Variants in SLC25A41 observed in about 807,000 individuals in gnomAD.
The protein encoded by SLC25A41 is solute carrier family 25 member 41.
Under a neutral mutation model 34.7 loss-of-function variants are expected in SLC25A41, and 35 were observed. The observed-to-expected ratio is 1.01, with a 90% CI of 0.77 to 1.34. SLC25A41 has a LOEUF of 1.34. Among genes scored for constraint, SLC25A41 ranks in the 40% most tolerant of loss-of-function variants. The probability of loss-of-function intolerance (pLI) is 0.00; values close to 1 mark genes in which losing one functional copy is unlikely to be tolerated. For missense variants in SLC25A41, 492 were observed against 489.8 expected (o/e 1.00, Z -0.04); for synonymous variants, 190 against 209.9 (o/e 0.91, Z 0.82).
At chr19:6,435,519 G>C (rs1484942389), upstream of SLC25A41, among the ~76,000 whole-genome samples, 1 of 150,284 alleles carries the variant, frequency 6.7e-6, no homozygotes, top group African/African-American at 2.5e-5. Flanking sequence ...TCAGGAGTTT[G>C]AGACCAGCCT....
rs569827160 is a variant in SLC25A41, at chr19:6,433,519, C to T, written c.175G>A (p.Asp59Asn). Residue 59 changes from aspartate to asparagine, a missense_variant, in exon 1 of 7, where the codon GAC becomes AAC. Asp to Asn is a conservative substitution (Grantham distance 23). Coordinates refer to ENST00000321510, the MANE Select transcript of SLC25A41 (RefSeq NM_173637.4). ...GACGGGAGATGTTCAAGGTTGTTGT[C>T]ATGCATGTGGCCAAACGCGTACCCA... ...VYGYAFGHMH[D>N]NNLEHLPSQQ... 16 of 1,612,776 alleles carry T rather than the reference C, an allele frequency of 9.9e-6. No homozygotes were observed. The Admixed American group carries it at 1.7e-4, about 17-fold the overall frequency.
intron 2 of SLC25A41, chr19:6,430,555 T>C (rs1364872956): frequency 2.6e-6 from 1 of 379,162 alleles, no homozygotes; most frequent in Non-Finnish European, 5.1e-6. Flanking sequence ...TCGGGGGATC[T>C]CGGCTCACTG....
At chr19:6,429,853 TGA>T (rs1262084915) in intron 3 of SLC25A41, 22 bp from the exon 4 acceptor site, 16 of 1,605,302 alleles carry the variant, frequency 1.0e-5, no homozygotes, top group Non-Finnish European at 1.3e-5. Flanking sequence ...GAGAGGAGGG[TGA>T]GAGAGAAGTC....
At chr19:6,426,934 G>A (rs1032974755) in intron 6 of SLC25A41, among the ~76,000 whole-genome samples, 169 bp downstream of exon 6, 2 of 152,118 alleles carry the variant, frequency 1.3e-5, no homozygotes, top group African/African-American at 4.8e-5. Flanking sequence ...TACCATGCCT[G>A]GCTAATTTTT....
chr19:6,427,254 C>G lies in SLC25A41; in HGVS notation c.793-4G>C, dbSNP rs775504698. The G allele has an allele frequency of 1.9e-6, 3 of 1,612,356 alleles. No homozygotes were observed. Among genetic ancestry groups the G allele is most frequent in the Non-Finnish European group, 2.5e-6 (3 of 1,179,556 alleles). On this transcript the variant is annotated splice_region_variant and splice_polypyrimidine_tract_variant and intron_variant, in intron 5 of 6. Transcript: ENST00000321510. This position sits in a 1 kb window ranked among gnomAD's most constrained non-coding sequence, Gnocchi z 4.9. The stretch of plus-strand genomic sequence containing the variant: ...TCACCCAGAAGCACTGGAGCATCTG[C>G]AAGAGAAGGGGGCCAGGAGAAAGCT...
Position 6,430,041 on chromosome 19 carries a change from C to G in SLC25A41, c.484G>C (p.Glu162Gln). 6.2e-7 allele frequency: 1 copy of G among 1,612,468 alleles called. No homozygotes were observed. Among genetic ancestry groups the G allele is most frequent in the East Asian group, 2.2e-5 (1 of 44,844 alleles). ...NGINVLKIAP[E>Q]YAIKFSVFEQ... ...AATACGGAGAACTTGATGGCATACT[C>G]AGGAGCAATCTTGAGCACGTTGATG... The change falls in exon 3 of 7, where the codon GAG (glutamate) becomes CAG (glutamine). Residue 162 changes from glutamate to glutamine, a missense_variant. Glu to Gln is a conservative substitution (Grantham distance 29, BLOSUM62 2). Transcript: ENST00000321510.
chr19:6,430,573 C>T lies in SLC25A41; in HGVS notation c.364-412G>A, dbSNP rs529944249. On this transcript the variant is annotated intron_variant, in intron 2 of 6. Transcript: ENST00000321510. Reference sequence around the variant, plus strand: ...GGGGATCTCGGCTCACTGCAACCTCCGCCTCCCAGGTTCAGGCGATTCTCC... The same window carrying T: ...GGGGATCTCGGCTCACTGCAACCTCTGCCTCCCAGGTTCAGGCGATTCTCC... 4.9e-5 allele frequency: 18 copies of T among 366,520 alleles called. No homozygotes were observed. In the East Asian group the frequency reaches 1.2e-3, roughly 24 times the overall value. The allele number at this position is 366,520 out of a possible 1,614,324, so 22.7% of individuals were successfully genotyped here.
At chr19:6,433,414 G>A (rs1326135755) in intron 1 of SLC25A41, 73 bp downstream of exon 1, 5 of 1,461,656 alleles carry the variant, frequency 3.4e-6, no homozygotes, top group Non-Finnish European at 4.8e-6. Context: ...GGCCTGTAGA[G>A]GGCGTGGGTA....
At chr19:6,431,128 T>TTTAA (rs886183094) in intron 2 of SLC25A41, among the ~76,000 whole-genome samples, 39 of 152,038 alleles carry the variant, frequency 2.6e-4, no homozygotes, top group African/African-American at 6.3e-4. Flanking sequence ...TTTTTAAATT[T>TTTAA]TTAATTAATT....
chr19:6,430,289 A>G (rs1483113808), intron 2 of SLC25A41, 128 bp from the exon 3 acceptor site: 1 of 1,042,294 alleles, frequency 9.6e-7, no homozygotes, highest in Non-Finnish European at 1.3e-6. Context: ...TCCCATCCCC[A>G]TTCCTTCTTC....
In SLC25A41 at chr19:6,430,072, G is replaced by A. The variant is rs1288044398; in HGVS notation, c.453C>T (p.Gly151=). 3 of 1,611,326 alleles carry A rather than the reference G, an allele frequency of 1.9e-6. No individual in the cohort carries two copies. Among genetic ancestry groups the A allele is most frequent in the Admixed American group, 1.7e-5 (1 of 59,520 alleles). ...QEGGFRSLWR[G]NGINVLKIAP... ...CAATCTTGAGCACGTTGATGCCGTTGCCCCGCCACAGGGAGCGGAAGCCGC... is the reference window on the plus strand; with the variant it reads ...CAATCTTGAGCACGTTGATGCCGTTACCCCGCCACAGGGAGCGGAAGCCGC... Residue 151 remains glycine (G), a synonymous_variant, in exon 3 of 7, where the codon GGC becomes GGT. Transcript: ENST00000321510.
In SLC25A41 at chr19:6,426,379, A is replaced by G; in HGVS notation, c.*10T>C. On this transcript the variant is annotated 3_prime_UTR_variant, in exon 7 of 7. Coordinates refer to ENST00000321510, the MANE Select transcript of SLC25A41 (RefSeq NM_173637.4). ...CATTTCTGCCTAGGCTGTGTCGTCC[A>G]GCTCACAGCCTATATGCCCAGGGTT... 6.2e-7 allele frequency: 1 copy of G among 1,610,032 alleles called. No individual in the cohort carries two copies. The highest frequency in any genetic ancestry group is 8.5e-7 in the Non-Finnish European group (1 of 1,176,932).
At position 6,432,219 on chromosome 19, in the gene SLC25A41, C is replaced by T. The variant is rs375604360; in HGVS notation, c.208-15G>A. ...GTGTCCAGTACCTGCAGGGCAGACC[C>T]GGCCCTCCCTCATCCTCAGCCAGGT... is the stretch of plus-strand genomic sequence containing the variant. On this transcript the variant is annotated splice_polypyrimidine_tract_variant and intron_variant, in intron 1 of 6. Coordinates refer to ENST00000321510, the MANE Select transcript of SLC25A41 (RefSeq NM_173637.4). 1,978 of 1,609,334 alleles carry T rather than the reference C, an allele frequency of 1.2e-3. 13 individuals are homozygous for T. Among genetic ancestry groups the T allele is most frequent in the Non-Finnish European group, 4.3e-4 (506 of 1,177,562 alleles).
rs1242246232 is a variant in SLC25A41 at position 6,426,574 on chromosome 19, A to G, written c.941-13T>C. ...CCCTCCACGGTATCTGCAGGGACAC[A>G]GGCAAGATCAGGACTAGGCCAGAGA... On this transcript the variant is annotated splice_polypyrimidine_tract_variant and intron_variant, in intron 6 of 6. Transcript: ENST00000321510. 1 of 1,610,378 alleles carries G rather than the reference A, an allele frequency of 6.2e-7. No individual in the cohort carries two copies. The highest frequency in any genetic ancestry group is 8.5e-7 in the Non-Finnish European group (1 of 1,178,344).
upstream of SLC25A41, among the ~76,000 whole-genome samples, chr19:6,435,915 G>A (rs944414165): frequency 3.9e-5 from 6 of 152,198 alleles, no homozygotes; most frequent in Admixed American, 6.6e-5. Flanking sequence ...CAGCTACTCC[G>A]GAGGCTGAGA....
chr19:6,426,345 C>A lies in SLC25A41; in HGVS notation c.*44G>T. On this transcript the variant is annotated 3_prime_UTR_variant, in exon 7 of 7. Coordinates refer to ENST00000321510, the MANE Select transcript of SLC25A41 (RefSeq NM_173637.4). ...CTTTGGGGCCAGGGGTCATCAGGTC[C>A]TCCTGTCCCATTTCTGCCTAGGCTG... 6.3e-7 allele frequency: 1 copy of A among 1,583,252 alleles called. No homozygotes were observed. Among genetic ancestry groups the A allele is most frequent in the Non-Finnish European group, 8.6e-7 (1 of 1,158,602 alleles).
Position 6,426,266 on chromosome 19 carries a change from T to G in SLC25A41, c.*123A>C. 27 of 70,046 alleles carry G rather than the reference T, an allele frequency of 3.9e-4. No individual in the cohort carries two copies. The highest frequency in any genetic ancestry group is 5.7e-4 in the Non-Finnish European group (23 of 40,550). 4.3% of individuals were successfully genotyped at this position (70,046 alleles called of 1,614,324 possible). On this transcript the variant is annotated 3_prime_UTR_variant, in exon 7 of 7. Transcript: ENST00000321510. Reference sequence around the variant, plus strand: ...CAGAGCCCCACCCCCACCCCCAGCCTGCTTTTGCCACCAAAAACTGCCCCA... The same window carrying G: ...CAGAGCCCCACCCCCACCCCCAGCCGGCTTTTGCCACCAAAAACTGCCCCA...
chr19:6,435,524 C>T (rs1187683646), upstream of SLC25A41, among the ~76,000 whole-genome samples: 3 of 152,074 alleles, frequency 2.0e-5, no homozygotes, highest in African/African-American at 7.2e-5. Context: ...AGTTTGAGAC[C>T]AGCCTGGCCA....
intron 4 of SLC25A41, 117 bp downstream of exon 4, chr19:6,429,607 T>C: frequency 1.9e-6 from 1 of 514,464 alleles, no homozygotes; most frequent in Non-Finnish European, 3.0e-6. Context: ...GGGAGAAGTG[T>C]GAGAAAAAAG....
Sources: gnomAD v4.1 joint callset for allele counts (sites outside exome capture counted in the v4.1 genomes callset) on GRCh38, gnomAD v4.1.1 for gene constraint, Gnocchi (gnomAD v3.1) non-coding constraint, MANE v1.5 for transcripts, NCBI Gene and HGNC (gene_info 2026-07-23, HGNC 2026-07-21) for gene names.